GRID2: variants seen among roughly 807,000 people sequenced by gnomAD.
GRID2 encodes the protein glutamate ionotropic receptor delta type subunit 2, also known as glutamate receptor ionotropic, delta-2.
Under a neutral mutation model 114.8 loss-of-function variants are expected in GRID2, and 33 were observed. The observed-to-expected ratio is 0.29, with a 90% CI of 0.22 to 0.38. GRID2 has a LOEUF of 0.38. Among genes scored for constraint, GRID2 ranks in the 10% least tolerant of loss-of-function variants. GRID2 has a pLI of 1.00. For synonymous variants in GRID2, 505 were observed against 449.9 expected (o/e 1.12, Z -1.55); for missense variants, 1,184 against 1,257.7 (o/e 0.94, Z 0.89).
At chr4:92,326,483 T>A (rs1726604148) in intron 1 of GRID2, among the ~76,000 whole-genome samples, 1 of 151,882 alleles carries the variant, frequency 6.6e-6, no homozygotes. Flanking sequence ...CCCTACTTTA[T>A]CTGTTAGTAA....
chr4:92,414,159 A>ATCTTAC (rs1731477496), intron 1 of GRID2, among the ~76,000 whole-genome samples: 1 of 152,196 alleles, frequency 6.6e-6, no homozygotes, highest in South Asian at 2.1e-4. Context: ...TGCACCTTGT[A>ATCTTAC]TCTTACTGTC....
chr4:93,415,241 A>G lies in GRID2; in HGVS notation c.1348-7530A>G, dbSNP rs570738501. On this transcript the variant is annotated intron_variant, in intron 9 of 15. Transcript: ENST00000282020. ...CTGCAATATGTTATATCTCGAATGTATTTCTTGATAGCTTTCTTTAAGATA... is the reference window on the plus strand; with the variant it reads ...CTGCAATATGTTATATCTCGAATGTGTTTCTTGATAGCTTTCTTTAAGATA... Among the ~76,000 whole-genome samples, 10 of 152,186 alleles carry G rather than the reference A, an allele frequency of 6.6e-5. 1 individual carries two copies. Among genetic ancestry groups the G allele is most frequent in the South Asian group, 6.2e-4 (3 of 4,832 alleles).
In GRID2 at chr4:93,082,746, A is replaced by G. The variant is rs532012798; in HGVS notation, c.245-2249A>G. ...TTCAGTTATTCTTGCTAATATGAATAGCACGATAGGCAATACCAAACAGTA... is the reference window on the plus strand; with the variant it reads ...TTCAGTTATTCTTGCTAATATGAATGGCACGATAGGCAATACCAAACAGTA... On this transcript the variant is annotated intron_variant, in intron 2 of 15. Coordinates refer to ENST00000282020, the MANE Select transcript of GRID2 (RefSeq NM_001510.4). Among the ~76,000 whole-genome samples, 68 of 152,328 alleles carry G rather than the reference A, an allele frequency of 4.5e-4. 2 individuals carry two copies. The South Asian group carries it at 0.013, about 30-fold the overall frequency.
At chr4:92,533,507 T>G (rs1446893306) in intron 1 of GRID2, among the ~76,000 whole-genome samples, 1 of 151,902 alleles carries the variant, frequency 6.6e-6, no homozygotes, top group East Asian at 1.9e-4. Context: ...CCTTACACAT[T>G]AAAAATAAAA....
intron 8 of GRID2, among the ~76,000 whole-genome samples, chr4:93,349,962 T>A (rs1760634851): frequency 6.6e-6 from 1 of 151,946 alleles, no homozygotes. Context: ...ATGTGTGGAG[T>A]TGATATTCAT....
At chr4:92,529,925 A>C (rs907995497) in intron 1 of GRID2, among the ~76,000 whole-genome samples, 1 of 152,152 alleles carries the variant, frequency 6.6e-6, no homozygotes, top group Non-Finnish European at 1.5e-5. Flanking sequence ...CCCGGCTACA[A>C]TTACATATGG....
chr4:93,264,730 T>C (rs1017880881), intron 8 of GRID2, among the ~76,000 whole-genome samples: 2 of 73,108 alleles, frequency 2.7e-5, no homozygotes, highest in Admixed American at 1.6e-4. Context: ...ATATATCATT[T>C]GAATTATATA....
At chr4:93,476,767 GTGTT>G (rs1280594403) in intron 11 of GRID2, among the ~76,000 whole-genome samples, 1 of 152,090 alleles carries the variant, frequency 6.6e-6, no homozygotes, top group Non-Finnish European at 1.5e-5. Context: ...GAGTCAATAA[GTGTT>G]TGGGACATAT....
intron 8 of GRID2, among the ~76,000 whole-genome samples, chr4:93,337,150 T>C (rs1759174362): frequency 6.6e-6 from 1 of 152,218 alleles, no homozygotes; most frequent in Admixed American, 6.5e-5. Flanking sequence ...GATTTACTTA[T>C]GTTGCCTGAG....
chr4:92,991,748 A>G (rs1165549988), intron 2 of GRID2, among the ~76,000 whole-genome samples: 1 of 152,172 alleles, frequency 6.6e-6, no homozygotes, highest in Non-Finnish European at 1.5e-5. Context: ...ACAACTAAAA[A>G]GTATCAGGAG....
In GRID2 at chr4:93,589,118, G is replaced by A. The variant is rs1291774211; in HGVS notation, c.2194-37151G>A. Among the ~76,000 whole-genome samples, 10 of 151,412 alleles carry A rather than the reference G, an allele frequency of 6.6e-5. No homozygotes were observed. The East Asian group carries it at 9.7e-4, about 15-fold the overall frequency. On this transcript the variant is annotated intron_variant, in intron 13 of 15. Coordinates refer to ENST00000282020, the MANE Select transcript of GRID2 (RefSeq NM_001510.4). ...CACATTGTGCAGGTTAGTTACATAC[G>A]TATACGTGTGCCATGCTGGTGTGCT...
chr4:92,666,579 G>C (rs990691323), intron 2 of GRID2, among the ~76,000 whole-genome samples: 2 of 145,036 alleles, frequency 1.4e-5, no homozygotes. Context: ...TTTTGATTTG[G>C]TTTGTTTTGT....
chr4:93,667,184 G>A (rs1486290765), intron 14 of GRID2, among the ~76,000 whole-genome samples: 1 of 151,956 alleles, frequency 6.6e-6, no homozygotes. Context: ...TAAGTCAGAG[G>A]TGTGCATGGA....
intron 2 of GRID2, among the ~76,000 whole-genome samples, chr4:92,769,360 C>T (rs1738423101): frequency 6.6e-6 from 1 of 152,156 alleles, no homozygotes; most frequent in Admixed American, 6.5e-5. Context: ...CTTTCATGGG[C>T]CGGCGTTGAG....
chr4:93,752,912 G>A (rs1469252737), intron 14 of GRID2, among the ~76,000 whole-genome samples: 3 of 152,264 alleles, frequency 2.0e-5, no homozygotes, highest in South Asian at 4.2e-4. Context: ...GTATATCAGT[G>A]TTATGCTTTT....
intron 2 of GRID2, among the ~76,000 whole-genome samples, chr4:92,764,009 G>C (rs922258705): frequency 6.6e-6 from 1 of 152,176 alleles, no homozygotes; most frequent in Admixed American, 6.5e-5. Flanking sequence ...AGGAAGTCCA[G>C]CACAGGAAGA....
intron 13 of GRID2, among the ~76,000 whole-genome samples, chr4:93,520,919 C>T (rs1730273209): frequency 6.6e-6 from 1 of 152,004 alleles, no homozygotes; most frequent in Non-Finnish European, 1.5e-5. Flanking sequence ...GTGTGGAGAC[C>T]AGGGGGCTCA....
At chr4:92,474,007 C>T (rs555458438) in intron 1 of GRID2, among the ~76,000 whole-genome samples, 12 of 124,450 alleles carry the variant, frequency 9.6e-5, no homozygotes, top group South Asian at 5.1e-4. Flanking sequence ...TGTGTGTGTA[C>T]GTATGCGATG....
At chr4:93,558,956 A>G (rs1734606126) in intron 13 of GRID2, among the ~76,000 whole-genome samples, 1 of 152,194 alleles carries the variant, frequency 6.6e-6, no homozygotes, top group South Asian at 2.1e-4. Context: ...GACGTAATCC[A>G]TCACATAAAC....
Sources: gnomAD v4.1 joint callset for allele counts (sites outside exome capture counted in the v4.1 genomes callset) on GRCh38, gnomAD v4.1.1 for gene constraint, MANE v1.5 for transcripts, NCBI Gene and HGNC (gene_info 2026-07-23, HGNC 2026-07-21) for gene names.